The following APBB2 variants were observed in gnomAD, a reference collection of about 807,000 sequenced individuals.
The protein encoded by APBB2 is amyloid beta precursor protein binding family B member 2, also known as Fe65-like 1.
APBB2 carries 38 observed loss-of-function variants against 82.5 expected under a neutral mutation model. The observed-to-expected ratio is 0.46, with a 90% CI of 0.36 to 0.60. The LOEUF (loss-of-function observed/expected upper bound fraction) is 0.60. Among genes scored for constraint, APBB2 ranks in the 20% least tolerant of loss-of-function variants. The pLI is 0.00. For missense variants in APBB2, 772 were observed against 972.3 expected (o/e 0.79, Z 2.74); for synonymous variants, 341 against 368.2 (o/e 0.93, Z 0.85).
intron 12 of APBB2, chr4:40,857,235 G>T: frequency 1.1e-6 from 1 of 948,100 alleles, no homozygotes; most frequent in Non-Finnish European, 1.3e-6. Context: ...GGGGAGGCGC[G>T]TGGCCCCGCC....
At chr4:41,152,424 A>G (rs1306389178) in intron 1 of APBB2, among the ~76,000 whole-genome samples, 2 of 151,222 alleles carry the variant, frequency 1.3e-5, no homozygotes, top group Admixed American at 6.6e-5. Context: ...CTGCGTTCAC[A>G]CCATTCTCCT....
At chr4:41,061,111 CAA>C (rs1322092965) in intron 4 of APBB2, among the ~76,000 whole-genome samples, 3 of 152,128 alleles carry the variant, frequency 2.0e-5, no homozygotes, top group East Asian at 3.9e-4. Context: ...AGTTTGCAGG[CAA>C]AGAGACTGCA....
chr4:40,873,479 C>T (rs1197073758), intron 12 of APBB2, among the ~76,000 whole-genome samples: 1 of 152,184 alleles, frequency 6.6e-6, no homozygotes, highest in Non-Finnish European at 1.5e-5. Flanking sequence ...CAACGCTGTA[C>T]AGAGATGAAT....
chr4:40,956,836 T>G (rs1398035606), intron 6 of APBB2, among the ~76,000 whole-genome samples: 1 of 152,164 alleles, frequency 6.6e-6, no homozygotes, highest in Non-Finnish European at 1.5e-5. Flanking sequence ...CATTACATAC[T>G]TTGTCTATTT....
At position 40,890,637 on chromosome 4, in the gene APBB2, TGG is replaced by T. The variant is rs1420586927; in HGVS notation, c.1402-148_1402-147del. The T allele has an allele frequency of 1.3e-5, 14 of 1,086,050 alleles. No individual in the cohort carries two copies. In the Admixed American group the frequency reaches 3.0e-4, roughly 23 times the overall value. The allele number at this position is 1,086,050 out of a possible 1,614,324, so 67.3% of individuals were successfully genotyped here. On this transcript the variant is annotated intron_variant, in intron 11 of 17. Transcript: ENST00000508593. ...TTGTCTGCCTAAGAAACTTCCTTTCTGGACAAGAATATTGATATCTTTCAGTT... is the reference window on the plus strand; with the variant it reads ...TTGTCTGCCTAAGAAACTTCCTTTCTACAAGAATATTGATATCTTTCAGTT...
chr4:40,946,878 G>A (rs565300617), intron 6 of APBB2, among the ~76,000 whole-genome samples: 44 of 152,272 alleles, frequency 2.9e-4, no homozygotes, highest in African/African-American at 7.9e-4. Context: ...CAGAGCCACC[G>A]TGAGAAATAG....
chr4:41,164,672 T>C (rs1392715040), intron 1 of APBB2, among the ~76,000 whole-genome samples: 1 of 152,236 alleles, frequency 6.6e-6, no homozygotes, highest in Non-Finnish European at 1.5e-5. Flanking sequence ...CACTTCTCGT[T>C]AAATGTTAAC....
chr4:41,197,160 C>T, intron 1 of APBB2, among the ~76,000 whole-genome samples: 1 of 152,054 alleles, frequency 6.6e-6, no homozygotes, highest in Non-Finnish European at 1.5e-5. Context: ...CAACTTTGTG[C>T]CAATGTCTGG....
At chr4:41,112,843 C>T (rs929994139) in intron 2 of APBB2, among the ~76,000 whole-genome samples, 19 of 152,144 alleles carry the variant, frequency 1.2e-4, no homozygotes, top group African/African-American at 3.4e-4. Flanking sequence ...CAAAATTAGC[C>T]GGGTGTGGTG....
At chr4:40,892,266 G>A (rs541123301) in intron 11 of APBB2, 1 of 152,382 alleles carries the variant, frequency 6.6e-6, no homozygotes, top group South Asian at 2.1e-4. Flanking sequence ...TGGGTATTTG[G>A]ATGGGAGATA....
At chr4:41,197,570 C>T in intron 1 of APBB2, among the ~76,000 whole-genome samples, 3 of 152,186 alleles carry the variant, frequency 2.0e-5, no homozygotes, top group African/African-American at 4.8e-5. Flanking sequence ...ATCCTGGCTC[C>T]AGAGTCTATA....
chr4:41,055,347 C>T (rs1293312672), intron 4 of APBB2, among the ~76,000 whole-genome samples: 2 of 152,184 alleles, frequency 1.3e-5, no homozygotes, highest in East Asian at 3.8e-4. Context: ...TCACCTGTCT[C>T]CATCACTAGA....
In APBB2 at chr4:41,197,198, C is replaced by A; in HGVS notation, c.-417+17207G>T. 4.2e-4 allele frequency among the ~76,000 whole-genome samples: 64 copies of A among 152,074 alleles called. No individual in the cohort carries two copies. In the South Asian group the frequency reaches 7.3e-3, roughly 17 times the overall value. ...TATTTTAATATTTTTTTCTCCTGCTCGAACAATATGCATGTTATTTTTTCC... is the reference window on the plus strand; with the variant it reads ...TATTTTAATATTTTTTTCTCCTGCTAGAACAATATGCATGTTATTTTTTCC... On this transcript the variant is annotated intron_variant, in intron 1 of 17. Coordinates refer to ENST00000508593, the MANE Select transcript of APBB2 (RefSeq NM_004307.2).
At chr4:40,993,095 C>T (rs191337954) in intron 6 of APBB2, among the ~76,000 whole-genome samples, 64 of 152,274 alleles carry the variant, frequency 4.2e-4, no homozygotes, top group African/African-American at 1.5e-3. Context: ...TTCTGTGCCC[C>T]ACATGTCTTG....
intron 4 of APBB2, among the ~76,000 whole-genome samples, chr4:41,059,690 G>A (rs141300914): frequency 6.6e-6 from 1 of 152,338 alleles, no homozygotes; most frequent in East Asian, 1.9e-4. Flanking sequence ...TCCCTTAAGT[G>A]ATACTTTTAG....
At chr4:40,861,989 A>G (rs543435689) in intron 12 of APBB2, among the ~76,000 whole-genome samples, 1 of 152,346 alleles carries the variant, frequency 6.6e-6, no homozygotes, top group South Asian at 2.1e-4. Flanking sequence ...AAAGAAAAAA[A>G]ATTCAACAAA....
At chr4:40,999,891 T>C (rs1804652809) in intron 6 of APBB2, among the ~76,000 whole-genome samples, 1 of 152,032 alleles carries the variant, frequency 6.6e-6, no homozygotes, top group African/African-American at 2.4e-5. Flanking sequence ...AGAACTTATT[T>C]CTGGGGCTTA....
chr4:41,070,877 CA>C (rs796477674), intron 3 of APBB2, among the ~76,000 whole-genome samples: 43 of 152,226 alleles, frequency 2.8e-4, no homozygotes, highest in African/African-American at 9.6e-4. Context: ...CACTTGAATG[CA>C]AGCCATCAAG....
chr4:41,131,500 C>T (rs1436660379), intron 2 of APBB2, among the ~76,000 whole-genome samples: 3 of 151,832 alleles, frequency 2.0e-5, no homozygotes, highest in Admixed American at 1.3e-4. Context: ...AGAAACTGTC[C>T]CCTTAATCTT....
Sources: allele counts gnomAD v4.1 joint callset (sites outside exome capture counted in the v4.1 genomes callset), GRCh38; gene constraint gnomAD v4.1.1; transcripts MANE v1.5; gene names NCBI Gene and HGNC (gene_info 2026-07-23, HGNC 2026-07-21).